AQP7: variants seen among roughly 807,000 people sequenced by gnomAD.
AQP7 encodes the protein aquaporin-7.
A neutral mutation model predicts 26.1 loss-of-function variants in AQP7; 22 were observed. The ratio of observed to expected loss-of-function variants is 0.84; its 90% confidence interval spans 0.60 to 1.20. AQP7 has a LOEUF of 1.20. AQP7 is among the 50% of genes most tolerant of loss of function. The pLI, the probability that AQP7 is intolerant of heterozygous loss-of-function variation, is 0.00. For missense variants in AQP7, 412 were observed against 457.5 expected (o/e 0.90, Z 0.91); for synonymous variants, 167 against 181.7 (o/e 0.92, Z 0.65).
chr9:33,388,840 C>G (rs1825111354), intron 3 of AQP7, among the ~76,000 whole-genome samples: 3 of 152,124 alleles, frequency 2.0e-5, no homozygotes, highest in African/African-American at 7.2e-5. Flanking sequence ...GCCTTGCTTT[C>G]TTGTGCCACT....
chr9:33,394,467 C>T (rs1224755370), intron 3 of AQP7, among the ~76,000 whole-genome samples: 1 of 147,838 alleles, frequency 6.8e-6, no homozygotes, highest in African/African-American at 2.5e-5. Flanking sequence ...CATCAAGTTT[C>T]TCTTCAATCT....
chr9:33,401,599 A>G (rs943410631), intron 1 of AQP7: 1 of 405,562 alleles, frequency 2.5e-6, no homozygotes, highest in Non-Finnish European at 4.7e-6. Flanking sequence ...CAGTGGCTCC[A>G]GCCTCATATT....
At chr9:33,397,918 T>G (rs1250371885) in intron 2 of AQP7, among the ~76,000 whole-genome samples, 1 of 152,170 alleles carries the variant, frequency 6.6e-6, no homozygotes, top group Non-Finnish European at 1.5e-5. Flanking sequence ...AACTCAAGAT[T>G]TCTTGAATCT....
At chr9:33,392,486 T>G (rs1825499325) in intron 3 of AQP7, among the ~76,000 whole-genome samples, 1 of 152,018 alleles carries the variant, frequency 6.6e-6, no homozygotes. Flanking sequence ...GTAAGGGGCT[T>G]AGCATCACAG....
At chr9:33,390,027 C>CAAAAAAAAA (rs778333672) in intron 3 of AQP7, among the ~76,000 whole-genome samples, 9 of 78,484 alleles carry the variant, frequency 1.1e-4, no homozygotes, top group East Asian at 4.8e-4. Context: ...GACTCCGTCT[C>CAAAAAAAAA]AAAAAAAAAA....
intron 3 of AQP7, among the ~76,000 whole-genome samples, chr9:33,394,753 C>T (rs991211871): frequency 1.3e-5 from 2 of 152,114 alleles, no homozygotes; most frequent in African/African-American, 2.4e-5. Context: ...CTGCCTAAGC[C>T]TCCCAAAGTG....
rs4879695 is a variant in AQP7, at chr9:33,387,952, G to A, written c.145-860C>T. Among the ~76,000 whole-genome samples, 147 of 152,142 alleles carry A rather than the reference G, an allele frequency of 9.7e-4. 2 individuals are homozygous for A. The highest frequency in any genetic ancestry group is 3.3e-3 in the East Asian group (17 of 5,156). On this transcript the variant is annotated intron_variant, in intron 3 of 7. Transcript: ENST00000297988. ...TCAGTCAGGCCGCAGGAGAGAACAC[G>A]CTGGCCAGCTGCTTCACCCCTTCCC...
chr9:33,399,263 C>T (rs1443520980), intron 2 of AQP7, among the ~76,000 whole-genome samples: 1 of 152,068 alleles, frequency 6.6e-6, no homozygotes, highest in Non-Finnish European at 1.5e-5. Flanking sequence ...AACCACGAGC[C>T]AACAATTCAA....
At position 33,385,989 on chromosome 9, in the gene AQP7, T is replaced by C. The variant is rs1587086956; in HGVS notation, c.525+88A>G. ...TCGGTACAGTCTCCATCCAGAGTTCTTGTCCTGTCTATCCGGAGGGACTCC... is the reference window on the plus strand; with the variant it reads ...TCGGTACAGTCTCCATCCAGAGTTCCTGTCCTGTCTATCCGGAGGGACTCC... On this transcript the variant is annotated intron_variant, in intron 6 of 7. Coordinates refer to ENST00000297988, the MANE Select transcript of AQP7 (RefSeq NM_001170.3). 1.9e-6 allele frequency: 3 copies of C among 1,581,616 alleles called. No homozygotes were observed. In the African/African-American group the frequency reaches 4.0e-5, roughly 21 times the overall value.
intron 5 of AQP7, 56 bp from the exon 6 acceptor site, chr9:33,386,251 C>T: frequency 2.5e-6 from 4 of 1,610,530 alleles, no homozygotes; most frequent in Non-Finnish European, 3.4e-6. Flanking sequence ...CCACCGGGGT[C>T]CCAGAAATGA....
Position 33,387,272 on chromosome 9 carries a change from C to T in AQP7, c.145-180G>A, listed in dbSNP as rs536456148. On this transcript the variant is annotated intron_variant, in intron 3 of 7. Coordinates refer to ENST00000297988, the MANE Select transcript of AQP7 (RefSeq NM_001170.3). ...CCCTCCTCACTGCCTCCTCTCCTTG[C>T]CCCTGCTGAGGCCTCTCAGACCTGA... Among the ~76,000 whole-genome samples the T allele has an allele frequency of 2.0e-4, 31 of 152,220 alleles. 1 individual carries two copies. The highest frequency in any genetic ancestry group is 8.3e-4 in the South Asian group (4 of 4,828).
intron 3 of AQP7, among the ~76,000 whole-genome samples, chr9:33,393,584 C>A (rs921571761): frequency 3.3e-5 from 5 of 152,222 alleles, no homozygotes; most frequent in African/African-American, 9.7e-5. Context: ...GACCCTGGAC[C>A]CTGCATAAGA....
chr9:33,391,163 T>C (rs1385660035), intron 3 of AQP7, among the ~76,000 whole-genome samples: 1 of 152,238 alleles, frequency 6.6e-6, no homozygotes, highest in African/African-American at 2.4e-5. Context: ...CATGATTCCC[T>C]GTGTCAGGGT....
chr9:33,396,890 G>A (rs1393584632), intron 2 of AQP7, among the ~76,000 whole-genome samples: 1 of 151,044 alleles, frequency 6.6e-6, no homozygotes, highest in Non-Finnish European at 1.5e-5. Flanking sequence ...GAGCCCAGGA[G>A]TTCAAGACCA....
intron 2 of AQP7, chr9:33,401,011 C>T: frequency 1.7e-6 from 1 of 578,382 alleles, no homozygotes; most frequent in Non-Finnish European, 3.1e-6. Context: ...CCTTGACCCT[C>T]ATCCAAGTAT....
intron 1 of AQP7, 172 bp from the exon 2 acceptor site, chr9:33,401,459 C>T (rs1279868198): frequency 3.4e-5 from 21 of 611,300 alleles, no homozygotes; most frequent in East Asian, 1.2e-4. Context: ...AATGAGGCGA[C>T]GCCCTGGAGC....
rs574369377 is a variant in AQP7, at chr9:33,383,594, G to A, written c.*1411C>T. The A allele has an allele frequency of 4.6e-5, 7 of 152,586 alleles. 2 individuals carry two copies. The South Asian group carries it at 1.0e-3, about 23-fold the overall frequency. The allele number at this position is 152,586 out of a possible 1,614,324, so 9.5% of individuals were successfully genotyped here. On this transcript the variant is annotated 3_prime_UTR_variant, in exon 8 of 8. Coordinates refer to ENST00000297988, the MANE Select transcript of AQP7 (RefSeq NM_001170.3). ...TCCACGCCCACGGTGCTGACCCATTGTTAGGTGCCCGGCTGCTGCTCCTGG... is the reference window on the plus strand; with the variant it reads ...TCCACGCCCACGGTGCTGACCCATTATTAGGTGCCCGGCTGCTGCTCCTGG...
intron 3 of AQP7, among the ~76,000 whole-genome samples, chr9:33,392,325 T>C (rs1338360226): frequency 1.3e-5 from 2 of 151,836 alleles, no homozygotes; most frequent in Non-Finnish European, 2.9e-5. Flanking sequence ...GACTGTGATA[T>C]TAGACTGCAC....
At position 33,386,430 on chromosome 9, in the gene AQP7, G is replaced by A; in HGVS notation, c.380C>T (p.Ala127Val). 3 of 1,610,896 alleles carry A rather than the reference G, an allele frequency of 1.9e-6. No individual in the cohort carries two copies. Among genetic ancestry groups the A allele is most frequent in the Non-Finnish European group, 1.7e-6 (2 of 1,178,908 alleles). Residue 127 changes from alanine to valine, a missense_variant, in exon 5 of 8, where the codon GCT becomes GTT. Physicochemically the swap from Ala to Val is moderately conservative, Grantham distance 64 (BLOSUM62 0). Transcript: ENST00000297988. ...LGQFLGSFLA[A>V]ATIYSLFYTA... ...GTAGAAGAGACTGTAGATGGTGGCAGCCGCCAGGAAGGAGCCCAGGAACTG... is the reference window on the plus strand; with the variant it reads ...GTAGAAGAGACTGTAGATGGTGGCAACCGCCAGGAAGGAGCCCAGGAACTG...
Sources: allele counts gnomAD v4.1 joint callset (sites outside exome capture counted in the v4.1 genomes callset), GRCh38; gene constraint gnomAD v4.1.1; transcripts MANE v1.5; gene names NCBI Gene and HGNC (gene_info 2026-07-23, HGNC 2026-07-21).